KIF5B: variants seen among roughly 807,000 people sequenced by gnomAD.
KIF5B encodes kinesin-1 heavy chain.
In KIF5B, 49 loss-of-function variants were observed where a neutral mutation model predicts 132.8. The observed-to-expected ratio is 0.37, with a 90% confidence interval of 0.29 to 0.47. The LOEUF (loss-of-function observed/expected upper bound fraction) is 0.47. Among genes scored for constraint, KIF5B ranks in the 20% least tolerant of loss-of-function variants. The pLI, the probability that KIF5B is intolerant of heterozygous loss-of-function variation, is 1.00. For synonymous variants in KIF5B, 355 were observed against 369.4 expected, an observed-to-expected ratio of 0.96 and a Z score of 0.45; for missense variants, 780 against 1,144.0, an observed-to-expected ratio of 0.68 and a Z score of 4.59.
At chr10:32,018,181 A>C in intron 22 of KIF5B, 25 bp from the exon 23 acceptor site, 1 of 1,515,622 alleles carries the variant, frequency 6.6e-7, no homozygotes. Flanking sequence ...TAAGTATTAC[A>C]AAAAAATTAA....
intron 12 of KIF5B, 143 bp from the exon 13 acceptor site, chr10:32,032,917 T>C: frequency 1.5e-6 from 1 of 660,732 alleles, no homozygotes; most frequent in East Asian, 2.7e-5. Context: ...TAATCTCTTT[T>C]AAGAAAATGG....
intron 2 of KIF5B, among the ~76,000 whole-genome samples, chr10:32,044,701 A>G (rs555804167): frequency 1.3e-4 from 20 of 151,972 alleles, no homozygotes; most frequent in Non-Finnish European, 1.9e-4. Context: ...AAAAGAAGAC[A>G]ACGACAGAGG....
chr10:32,014,147 T>C (rs1012490121), intron 25 of KIF5B, among the ~76,000 whole-genome samples: 5 of 152,210 alleles, frequency 3.3e-5, no homozygotes, highest in Non-Finnish European at 5.9e-5. Flanking sequence ...TGCTGCTATA[T>C]GACCAATTAT....
chr10:32,048,618 A>T, intron 1 of KIF5B, 67 bp from the exon 2 acceptor site: 1 of 1,059,274 alleles, frequency 9.4e-7, no homozygotes, highest in Non-Finnish European at 1.4e-6. Context: ...ACCTTTACAG[A>T]TGCCATCATA....
intron 13 of KIF5B, among the ~76,000 whole-genome samples, chr10:32,031,545 T>C (rs556097287): frequency 1.2e-4 from 18 of 152,172 alleles, no homozygotes; most frequent in East Asian, 5.8e-4. Flanking sequence ...CAGTACAAGA[T>C]AGAAGGTCAG....
chr10:32,014,830 G>A (rs172432), intron 25 of KIF5B, among the ~76,000 whole-genome samples: 32,314 of 152,106 alleles, frequency 0.21, 3,617 homozygotes, highest in Non-Finnish European at 0.25. Flanking sequence ...GGAATACAAG[G>A]AGATGTTTCA....
At chr10:32,052,322 T>C (rs1372474642) in intron 1 of KIF5B, among the ~76,000 whole-genome samples, 1 of 152,214 alleles carries the variant, frequency 6.6e-6, no homozygotes, top group African/African-American at 2.4e-5. Flanking sequence ...CCTTCATTTT[T>C]CCCTCTTAAG....
rs746161857 is a variant in KIF5B at position 32,055,797 on chromosome 10, A to G, written c.126+51T>C. Reference sequence around the variant, plus strand: ...CCTGCCACTTCCCTAAACTCCCCGCACAGGCCGGCCCGAAGAAGCGGGAGG... The same window carrying G: ...CCTGCCACTTCCCTAAACTCCCCGCGCAGGCCGGCCCGAAGAAGCGGGAGG... On this transcript the variant is annotated intron_variant, in intron 1 of 25. Transcript: ENST00000302418. The G allele has an allele frequency of 1.1e-5, 18 of 1,599,068 alleles. No homozygotes were observed. The Admixed American group carries it at 1.8e-4, about 16-fold the overall frequency.
chr10:32,054,382 G>A (rs1841728245), intron 1 of KIF5B, among the ~76,000 whole-genome samples: 1 of 152,164 alleles, frequency 6.6e-6, no homozygotes, highest in South Asian at 2.1e-4. Flanking sequence ...CAAAGAACTC[G>A]CCTGACAGTC....
At chr10:32,035,490 A>C in intron 10 of KIF5B, 32 bp downstream of exon 10, 7 of 1,580,248 alleles carry the variant, frequency 4.4e-6, no homozygotes, top group Non-Finnish European at 6.0e-6. Context: ...GGTCTATCTA[A>C]ATTTAGGTTT....
chr10:32,020,841 T>TA (rs948346827), intron 19 of KIF5B, among the ~76,000 whole-genome samples, 181 bp downstream of exon 19: 12 of 151,866 alleles, frequency 7.9e-5, no homozygotes, highest in African/African-American at 1.7e-4. Flanking sequence ...TCAAAAGACC[T>TA]AAAAAAAAGC....
At chr10:32,018,699 C>T in intron 20 of KIF5B, 137 bp from the exon 21 acceptor site, 1 of 671,210 alleles carries the variant, frequency 1.5e-6, no homozygotes, top group Non-Finnish European at 2.4e-6. Context: ...CTATTTTAAA[C>T]AATTTACCTG....
chr10:32,020,918 T>C (rs148474444), intron 19 of KIF5B, 104 bp downstream of exon 19: 28 of 604,134 alleles, frequency 4.6e-5, no homozygotes, highest in East Asian at 2.8e-5. Flanking sequence ...TTTTCCAAGA[T>C]AAAAATGTAA....
In KIF5B at chr10:32,035,542, A is replaced by C. The variant is rs762196655; in HGVS notation, c.942T>G (p.Ser314=). The C allele has an allele frequency of 1.2e-6, 2 of 1,612,538 alleles. No homozygotes were observed. The highest frequency in any genetic ancestry group is 2.2e-5 in the South Asian group (2 of 90,602). ...CAAACCTTTGGCCAAATAAGAGTGT[A>C]GATTTTGTTTCAGACTCATTGTATG... is the stretch of plus-strand genomic sequence containing the variant. ...PSSYNESETK[S]TLLFGQRAKT... is the part of the protein sequence containing the mutation. The change falls in exon 10 of 26, where the codon TCT becomes TCG. Residue 314 remains serine (S), a synonymous_variant. Coordinates refer to ENST00000302418, the MANE Select transcript of KIF5B (RefSeq NM_004521.3).
intron 19 of KIF5B, 124 bp from the exon 20 acceptor site, chr10:32,020,083 T>A (rs1841237977): frequency 3.4e-6 from 2 of 592,136 alleles, no homozygotes; most frequent in Non-Finnish European, 5.8e-6. Context: ...TCCTATACCC[T>A]ATGGAGGAAA....
chr10:32,024,113 T>G (rs1841302649), intron 15 of KIF5B, among the ~76,000 whole-genome samples: 1 of 135,920 alleles, frequency 7.4e-6, no homozygotes. Context: ...CACTATCTGA[T>G]AAAAGACTTA....
intron 14 of KIF5B, among the ~76,000 whole-genome samples, chr10:32,029,779 C>A (rs1340848495): frequency 2.0e-5 from 3 of 151,982 alleles, no homozygotes; most frequent in African/African-American, 7.2e-5. Flanking sequence ...GGCCAAGGAC[C>A]ACCTTTCAGA....
At chr10:32,022,798 T>G in intron 16 of KIF5B, 50 bp downstream of exon 16, 1 of 1,319,114 alleles carries the variant, frequency 7.6e-7, no homozygotes, top group South Asian at 1.6e-5. Flanking sequence ...TAAATAAAAT[T>G]TCTATGTGGC....
At position 32,031,226 on chromosome 10, in the gene KIF5B, G is replaced by A. The variant is rs1010573844; in HGVS notation, c.1428C>T (p.Arg476=). ...DQDNMQAELN[R]LQAENDASKE... ...TAGAGGCATCATTTTCTGCTTGAAG[G>A]CGATTCAGCTCAGCTTGCATATTGT... The change falls in exon 14 of 26, where the codon CGC becomes CGT. Residue 476 remains arginine (R), a synonymous_variant. Coordinates refer to ENST00000302418, the MANE Select transcript of KIF5B (RefSeq NM_004521.3). 2 of 1,613,944 alleles carry A rather than the reference G, an allele frequency of 1.2e-6. No individual in the cohort carries two copies.
Sources: gnomAD v4.1 joint callset for allele counts (sites outside exome capture counted in the v4.1 genomes callset) on GRCh38, gnomAD v4.1.1 for gene constraint, MANE v1.5 for transcripts, NCBI Gene and HGNC (gene_info 2026-07-23, HGNC 2026-07-21) for gene names.